Variants in EEIG1 observed in about 807,000 individuals in gnomAD.
EEIG1 encodes the protein estrogen-induced osteoclastogenesis regulator 1.
chr9:127,953,507 C>T, the EEIG1 span: 1 of 1,455,546 alleles, frequency 6.9e-7, no homozygotes, highest in Admixed American at 1.7e-5. Context: ...GGGCTGGAGG[C>T]TTCCCTTGTG....
chr9:127,980,664 C>A, the EEIG1 span, among the ~76,000 whole-genome samples: 1 of 150,128 alleles, frequency 6.7e-6, no homozygotes, highest in Non-Finnish European at 1.5e-5. Context: ...GCGGCCAGCG[C>A]AGGTGAAGCC....
chr9:127,958,517 TAGCC>T, the EEIG1 span, among the ~76,000 whole-genome samples: 1 of 151,740 alleles, frequency 6.6e-6, no homozygotes, highest in African/African-American at 2.4e-5. Flanking sequence ...ATTTTAAAAT[TAGCC>T]AGGAGTGGTG....
chr9:127,951,098 G>T, the EEIG1 span, among the ~76,000 whole-genome samples: 35 of 152,186 alleles, frequency 2.3e-4, no homozygotes, highest in Admixed American at 2.3e-3. Flanking sequence ...ACAGAGGATC[G>T]AGGGATGGGG....
chr9:127,964,232 TC>T, the EEIG1 span, among the ~76,000 whole-genome samples: 1 of 152,288 alleles, frequency 6.6e-6, no homozygotes, highest in Admixed American at 6.5e-5. Flanking sequence ...GACTCTGTGG[TC>T]CCACAGCACC....
the EEIG1 span, among the ~76,000 whole-genome samples, chr9:127,950,244 C>T: frequency 9.2e-5 from 14 of 152,214 alleles, no homozygotes; most frequent in African/African-American, 3.4e-4. Flanking sequence ...AGGCCAACAG[C>T]GGAGCCAGGC....
At chr9:127,943,284 C>A in the EEIG1 span, 53 of 1,583,010 alleles carry the variant, frequency 3.3e-5, no homozygotes, top group Non-Finnish European at 4.6e-5. Context: ...TACCCCATTT[C>A]CTGAGCGCTC....
chr9:127,965,143 A>C, the EEIG1 span, among the ~76,000 whole-genome samples: 3 of 146,576 alleles, frequency 2.0e-5, no homozygotes, highest in East Asian at 2.0e-4. Flanking sequence ...AAAAAAAAAA[A>C]AACCAAAAAC....
chr9:127,966,471 C>G, the EEIG1 span, among the ~76,000 whole-genome samples: 1 of 151,384 alleles, frequency 6.6e-6, no homozygotes, highest in Non-Finnish European at 1.5e-5. Context: ...CCCATGCAGG[C>G]AGGTGTGGGC....
the EEIG1 span, among the ~76,000 whole-genome samples, chr9:127,963,275 G>A: frequency 7.2e-5 from 11 of 152,352 alleles, no homozygotes; most frequent in Non-Finnish European, 1.2e-4. Flanking sequence ...CAAGGCCTGG[G>A]TCCTCCCAAG....
At chr9:127,946,386 G>A in the EEIG1 span, among the ~76,000 whole-genome samples, 4 of 152,342 alleles carry the variant, frequency 2.6e-5, no homozygotes, top group African/African-American at 9.6e-5. Context: ...AAAGGGACTA[G>A]GTGGGACCTA....
At chr9:127,944,918 G>C in the EEIG1 span, 116 of 1,607,406 alleles carry the variant, frequency 7.2e-5, no homozygotes, top group African/African-American at 5.9e-4. Flanking sequence ...GTCGTGGGGG[G>C]ACAAGTCACA....
the EEIG1 span, among the ~76,000 whole-genome samples, chr9:127,971,713 G>A: frequency 2.6e-5 from 4 of 152,198 alleles, no homozygotes; most frequent in Admixed American, 1.3e-4. Flanking sequence ...TCCTGCCCAC[G>A]AAGGGCCCAC....
chr9:127,963,659 G>A, the EEIG1 span: 4 of 152,330 alleles, frequency 2.6e-5, no homozygotes, highest in African/African-American at 9.6e-5. Context: ...GCTGCCCAGT[G>A]ACCTGACCAC....
At chr9:127,958,154 G>T in the EEIG1 span, among the ~76,000 whole-genome samples, 1 of 152,222 alleles carries the variant, frequency 6.6e-6, no homozygotes, top group Non-Finnish European at 1.5e-5. Flanking sequence ...TGAAGTGCGT[G>T]TGTGAGGGGG....
chr9:127,975,665 C>T, the EEIG1 span, among the ~76,000 whole-genome samples: 1 of 152,138 alleles, frequency 6.6e-6, no homozygotes, highest in African/African-American at 2.4e-5. Context: ...TGCTCTCTGC[C>T]CATCTCCTCC....
chr9:127,953,734 G>T, the EEIG1 span: 1 of 1,611,322 alleles, frequency 6.2e-7, no homozygotes, highest in Admixed American at 1.7e-5. Context: ...ATTTTCAGCT[G>T]GGGGTGCGGA....
chr9:127,940,850 T>C, the EEIG1 span: 1 of 105,204 alleles, frequency 9.5e-6, no homozygotes, highest in Non-Finnish European at 2.1e-5. Flanking sequence ...GGTCAGTTTG[T>C]GCGGTAAACA....
At chr9:127,957,546 T>C in the EEIG1 span, among the ~76,000 whole-genome samples, 11 of 152,210 alleles carry the variant, frequency 7.2e-5, no homozygotes, top group African/African-American at 2.7e-4. Flanking sequence ...GTTCTAAAAT[T>C]CATCACAATC....
At chr9:127,943,138 C>G in the EEIG1 span, 24 of 1,557,796 alleles carry the variant, frequency 1.5e-5, no homozygotes, top group Non-Finnish European at 2.1e-5. Flanking sequence ...TGGAATGATA[C>G]AGGTCTGGAC....
Sources: allele counts gnomAD v4.1 joint callset (sites outside exome capture counted in the v4.1 genomes callset), GRCh38; gene constraint gnomAD v4.1.1; transcripts MANE v1.5; gene names NCBI Gene and HGNC (gene_info 2026-07-23, HGNC 2026-07-21).